The following MARCHF4 variants were observed in gnomAD, a reference collection of about 807,000 sequenced individuals.
The protein encoded by MARCHF4 is membrane associated ring-CH-type finger 4.
A neutral mutation model predicts 43.9 loss-of-function variants in MARCHF4; 14 were observed. The ratio of observed to expected loss-of-function variants is 0.32; its 90% confidence interval spans 0.21 to 0.50. The LOEUF is 0.50. MARCHF4 is among the 20% of genes least tolerant of loss of function. The pLI, the probability that MARCHF4 is intolerant of heterozygous loss-of-function variation, is 0.98. For missense variants in MARCHF4, 468 were observed against 536.7 expected (o/e 0.87, Z 1.27); for synonymous variants, 226 against 213.3 (o/e 1.06, Z -0.52).
intron 1 of MARCHF4, among the ~76,000 whole-genome samples, chr2:216,292,634 G>T (rs1304780956): frequency 6.6e-6 from 1 of 152,170 alleles, no homozygotes; most frequent in Admixed American, 6.5e-5. Flanking sequence ...TAACAATAAG[G>T]CTTGTCAGTA....
chr2:216,294,785 C>T (rs1246291588), intron 1 of MARCHF4, among the ~76,000 whole-genome samples: 1 of 152,204 alleles, frequency 6.6e-6, no homozygotes, highest in Non-Finnish European at 1.5e-5. Flanking sequence ...CAAACCTTGT[C>T]TCCTACATTA....
At chr2:216,324,062 C>T (rs1178361308) in intron 1 of MARCHF4, among the ~76,000 whole-genome samples, 6 of 150,476 alleles carry the variant, frequency 4.0e-5, no homozygotes, top group East Asian at 3.9e-4. Context: ...ATTGATAGAC[C>T]GCTAGCAAGA....
At chr2:216,329,964 G>A (rs184788040) in intron 1 of MARCHF4, among the ~76,000 whole-genome samples, 53 of 151,884 alleles carry the variant, frequency 3.5e-4, no homozygotes, top group Admixed American at 9.8e-4. Context: ...CACACCTGTC[G>A]TCCTAGCTAC....
chr2:216,364,062 A>G (rs906215684), intron 1 of MARCHF4, among the ~76,000 whole-genome samples: 11 of 152,192 alleles, frequency 7.2e-5, no homozygotes, highest in African/African-American at 2.7e-4. Flanking sequence ...AAGGTAGCCT[A>G]TAAGATCTTG....
chr2:216,284,701 C>T (rs1432054336), intron 1 of MARCHF4, among the ~76,000 whole-genome samples: 1 of 152,000 alleles, frequency 6.6e-6, no homozygotes, highest in African/African-American at 2.4e-5. Context: ...TACGGATTTC[C>T]ATCTGCCTCT....
In MARCHF4 at chr2:216,277,661, C is replaced by T; in HGVS notation, c.865+11G>A. The T allele has an allele frequency of 6.3e-7, 1 of 1,591,266 alleles. No homozygotes were observed. Among genetic ancestry groups the T allele is most frequent in the African/African-American group, 1.3e-5 (1 of 74,532 alleles). ...TCCCCACTTCCCATGGAGACAAACCCCCAGACCCACCTATGCACACCACGT... is the reference window on the plus strand; with the variant it reads ...TCCCCACTTCCCATGGAGACAAACCTCCAGACCCACCTATGCACACCACGT... On this transcript the variant is annotated intron_variant, in intron 3 of 3. Coordinates refer to ENST00000273067, the MANE Select transcript of MARCHF4 (RefSeq NM_020814.3).
intron 1 of MARCHF4, among the ~76,000 whole-genome samples, chr2:216,339,709 G>A (rs958438626): frequency 3.3e-5 from 5 of 151,990 alleles, no homozygotes; most frequent in South Asian, 4.2e-4. Context: ...CTGTTCATTC[G>A]TTCATTCATG....
chr2:216,280,953 T>C (rs1559088548), intron 2 of MARCHF4, among the ~76,000 whole-genome samples: 1 of 152,222 alleles, frequency 6.6e-6, no homozygotes, highest in South Asian at 2.1e-4. Context: ...AGGGCCATGC[T>C]GTGCCTCCTT....
intron 1 of MARCHF4, among the ~76,000 whole-genome samples, chr2:216,308,430 C>T (rs968161568): frequency 6.6e-6 from 1 of 152,078 alleles, no homozygotes; most frequent in East Asian, 1.9e-4. Flanking sequence ...AAAAGTCAGG[C>T]ACATGGAGCT....
intron 3 of MARCHF4, 99 bp from the exon 4 acceptor site, chr2:216,259,778 A>G (rs1322269361): frequency 5.7e-6 from 7 of 1,227,334 alleles, no homozygotes; most frequent in South Asian, 2.8e-5. Flanking sequence ...GGTATGGGCA[A>G]TGGCTCCAGT....
intron 1 of MARCHF4, among the ~76,000 whole-genome samples, chr2:216,291,866 T>C (rs1184428835): frequency 1.3e-5 from 2 of 152,214 alleles, no homozygotes; most frequent in African/African-American, 2.4e-5. Flanking sequence ...GGTTGTTACT[T>C]GCTCAAGAAA....
rs11678310 is a variant in MARCHF4 at position 216,370,460 on chromosome 2, C to G, written c.-200G>C. The G allele has an allele frequency of 0.23, 109,376 of 470,824 alleles. 15,353 individuals are homozygous for G. Among genetic ancestry groups the G allele is most frequent in the Non-Finnish European group, 0.3 (81,093 of 268,910 alleles). 29.2% of individuals were successfully genotyped at this position (470,824 alleles called of 1,614,324 possible). On this transcript the variant is annotated 5_prime_UTR_variant, in exon 1 of 4. Coordinates refer to ENST00000273067, the MANE Select transcript of MARCHF4 (RefSeq NM_020814.3). ...GTGAGTCACTGGTTCTGAACTCCAC[C>G]TGGAAAGCCCAATAACAAAAAAGTT...
In MARCHF4 at chr2:216,371,995, G is replaced by A. The variant is rs1446753562; in HGVS notation, c.-1735C>T. On this transcript the variant is annotated 5_prime_UTR_variant, in exon 1 of 4. Transcript: ENST00000273067. Reference sequence around the variant, plus strand: ...GTTTGCGGTGCCAGCTGAAGGTGGGGAGGGGGGAGCGAAGCAGTGTGGCCG... The same window carrying A: ...GTTTGCGGTGCCAGCTGAAGGTGGGAAGGGGGGAGCGAAGCAGTGTGGCCG... 6.5e-6 allele frequency: 1 copy of A among 152,672 alleles called. No homozygotes were observed. Among genetic ancestry groups the A allele is most frequent in the African/African-American group, 2.4e-5 (1 of 41,464 alleles). The allele number at this position is 152,672 out of a possible 1,614,324, so 9.5% of individuals were successfully genotyped here. A position where few individuals can be genotyped will look rare whatever the true frequency, so the allele number is the denominator to read the frequency against.
intron 1 of MARCHF4, among the ~76,000 whole-genome samples, chr2:216,366,968 A>G (rs1365600658): frequency 6.6e-5 from 10 of 152,362 alleles, no homozygotes; most frequent in African/African-American, 2.4e-4. Flanking sequence ...GAATGGATGC[A>G]AAGTCCTTTG....
intron 1 of MARCHF4, among the ~76,000 whole-genome samples, chr2:216,354,919 C>G (rs138320744): frequency 1.6e-3 from 178 of 114,834 alleles, no homozygotes; most frequent in Non-Finnish European, 1.9e-3. Flanking sequence ...TTCTTTCTTT[C>G]TTTCTTTCTT....
rs376649139 is a variant in MARCHF4 at position 216,279,838 on chromosome 2, G to C, written c.673-1974C>G. On this transcript the variant is annotated intron_variant, in intron 2 of 3. Transcript: ENST00000273067. The stretch of plus-strand genomic sequence containing the variant: ...TTCCAGAAGATGACTTCATCATACA[G>C]ACTTCTTTCATGCACAACAAATGCT... Among the ~76,000 whole-genome samples the C allele has an allele frequency of 1.8e-4, 28 of 152,328 alleles. 1 individual carries two copies. In the East Asian group the frequency reaches 4.4e-3, roughly 24 times the overall value.
At chr2:216,278,839 C>T (rs759648482) in intron 2 of MARCHF4, among the ~76,000 whole-genome samples, 2 of 152,316 alleles carry the variant, frequency 1.3e-5, no homozygotes, top group East Asian at 3.9e-4. Context: ...TGAGTTTCAA[C>T]TCTGAAAGTC....
intron 3 of MARCHF4, among the ~76,000 whole-genome samples, chr2:216,269,498 G>A (rs561169404): frequency 6.6e-6 from 1 of 152,308 alleles, no homozygotes; most frequent in South Asian, 2.1e-4. Context: ...CTCCAAATAA[G>A]AGCAGACTTT....
chr2:216,332,044 G>C (rs979248264), intron 1 of MARCHF4, among the ~76,000 whole-genome samples: 9 of 152,180 alleles, frequency 5.9e-5, no homozygotes, highest in African/African-American at 2.2e-4. Flanking sequence ...TGCATTATTT[G>C]TAGTCAGTAC....
Sources: gnomAD v4.1 joint callset for allele counts (sites outside exome capture counted in the v4.1 genomes callset) on GRCh38, gnomAD v4.1.1 for gene constraint, MANE v1.5 for transcripts, NCBI Gene and HGNC (gene_info 2026-07-23, HGNC 2026-07-21) for gene names.